Variants in FAM117B observed in about 807,000 individuals in gnomAD.
FAM117B encodes the protein family with sequence similarity 117 member B.
Under a neutral mutation model 52.8 loss-of-function variants are expected in FAM117B, and 22 were observed. That is an observed-to-expected ratio of 0.42 (90% CI 0.30 to 0.59). The LOEUF is 0.59. FAM117B is among the 20% of genes least tolerant of loss of function. The pLI, the probability that FAM117B is intolerant of heterozygous loss-of-function variation, is 0.22. For missense variants in FAM117B, 678 were observed against 802.6 expected, an observed-to-expected ratio of 0.84 and a Z score of 1.88; for synonymous variants, 309 against 324.1, an observed-to-expected ratio of 0.95 and a Z score of 0.50.
At chr2:202,673,568 C>G (rs540369705) in intron 1 of FAM117B, among the ~76,000 whole-genome samples, 121 of 149,922 alleles carry the variant, frequency 8.1e-4, no homozygotes, top group African/African-American at 2.8e-3. Context: ...CTGCCTCAGC[C>G]TCCCAAGTAG....
chr2:202,642,925 T>C (rs1175390680), intron 1 of FAM117B, among the ~76,000 whole-genome samples: 1 of 152,090 alleles, frequency 6.6e-6, no homozygotes, highest in Non-Finnish European at 1.5e-5. Context: ...AATGGTAGAA[T>C]AGTGTTGAGA....
At chr2:202,765,234 A>G (rs1440363658) in intron 7 of FAM117B, among the ~76,000 whole-genome samples, 1 of 152,172 alleles carries the variant, frequency 6.6e-6, no homozygotes, top group Admixed American at 6.5e-5. Flanking sequence ...GGCTTCTTGC[A>G]TTCTAAGATA....
intron 4 of FAM117B, among the ~76,000 whole-genome samples, chr2:202,726,661 G>T (rs946872095): frequency 6.6e-6 from 1 of 152,084 alleles, no homozygotes; most frequent in African/African-American, 2.4e-5. Flanking sequence ...AGAGAATTAA[G>T]CATTGGGTAT....
chr2:202,635,200 G>C lies in FAM117B; in HGVS notation c.13G>C (p.Val5Leu). 9 of 1,292,916 alleles carry C rather than the reference G, an allele frequency of 7.0e-6. No homozygotes were observed. Among genetic ancestry groups the C allele is most frequent in the Non-Finnish European group, 8.8e-6 (9 of 1,018,308 alleles). 80.1% of individuals were successfully genotyped at this position (1,292,916 alleles called of 1,614,324 possible). MSQRVRRNGSPTPAG... is the reference protein window; with the variant it reads MSQRLRRNGSPTPAG... Reference sequence around the variant, plus strand: ...GAGGGGGGGGACCATGTCCCAGCGGGTGAGGCGCAATGGGTCCCCCACGCC... The same window carrying C: ...GAGGGGGGGGACCATGTCCCAGCGGCTGAGGCGCAATGGGTCCCCCACGCC... The change falls in exon 1 of 8, where the codon GTG (valine) becomes CTG (leucine). Residue 5 changes from valine (V) to leucine (L), a missense_variant. Coordinates refer to ENST00000392238, the MANE Select transcript of FAM117B (RefSeq NM_173511.4).
At chr2:202,755,723 AATTATT>A in intron 5 of FAM117B, 42 bp downstream of exon 5, 2 of 1,551,606 alleles carry the variant, frequency 1.3e-6, no homozygotes, top group South Asian at 1.2e-5. Context: ...GAACTCTTAT[AATTATT>A]AAAAATGCAC....
rs1553526375 is a variant in FAM117B at position 202,766,102 on chromosome 2, A to ACACACACACACACCCACC, written c.*343_*344insACACACACCCACCCACAC. The stretch of plus-strand genomic sequence containing the variant: ...CACACACACACACACACACACACAC[A>ACACACACACACACCCACC]CACACCCCTGATCCTTGCCAACATG... On this transcript the variant is annotated 3_prime_UTR_variant, in exon 8 of 8. Coordinates refer to ENST00000392238, the MANE Select transcript of FAM117B (RefSeq NM_173511.4). The ACACACACACACACCCACC allele has an allele frequency of 1.0e-5, 2 of 191,004 alleles. No individual in the cohort carries two copies. The highest frequency in any genetic ancestry group is 2.1e-5 in the Non-Finnish European group (2 of 93,416). The allele number at this position is 191,004 out of a possible 1,614,324, so 11.8% of individuals were successfully genotyped here.
intron 2 of FAM117B, among the ~76,000 whole-genome samples, chr2:202,720,930 T>C: frequency 6.6e-6 from 1 of 152,222 alleles, no homozygotes; most frequent in East Asian, 1.9e-4. Context: ...TTCTTGGAGG[T>C]TGCATGTGCC....
At chr2:202,703,696 T>C (rs547901605) in intron 2 of FAM117B, among the ~76,000 whole-genome samples, 1 of 152,328 alleles carries the variant, frequency 6.6e-6, no homozygotes, top group Admixed American at 6.5e-5. Flanking sequence ...TTTATCAATA[T>C]ACCACATTTT....
intron 4 of FAM117B, among the ~76,000 whole-genome samples, chr2:202,737,361 T>C (rs1001362549): frequency 1.1e-3 from 167 of 152,328 alleles, no homozygotes; most frequent in African/African-American, 3.8e-3. Context: ...AACATATATG[T>C]AGATTATACC....
At chr2:202,744,999 A>T (rs1010216057) in intron 4 of FAM117B, among the ~76,000 whole-genome samples, 1 of 116,420 alleles carries the variant, frequency 8.6e-6, no homozygotes, top group African/African-American at 3.2e-5. Context: ...AAAAAAAAAA[A>T]GGCTGGGCAT....
At chr2:202,698,189 C>T (rs1690742573) in intron 2 of FAM117B, among the ~76,000 whole-genome samples, 1 of 152,072 alleles carries the variant, frequency 6.6e-6, no homozygotes, top group Admixed American at 6.6e-5. Context: ...ATTAAAGAAC[C>T]GAGTAAACAC....
At chr2:202,742,979 C>G (rs755902841) in intron 4 of FAM117B, among the ~76,000 whole-genome samples, 2 of 152,158 alleles carry the variant, frequency 1.3e-5, no homozygotes, top group Non-Finnish European at 2.9e-5. Context: ...CCTACTCAGT[C>G]CACCACTGCT....
chr2:202,674,027 C>T (rs887011103), intron 1 of FAM117B, among the ~76,000 whole-genome samples: 2 of 150,194 alleles, frequency 1.3e-5, no homozygotes, highest in African/African-American at 2.5e-5. Context: ...CTCCCTGCAC[C>T]CCCCCCACCT....
intron 1 of FAM117B, among the ~76,000 whole-genome samples, chr2:202,655,707 TGAGAGAGAGAGAGAGAGAGAGAGAGA>T (rs60423652): frequency 1.0e-5 from 1 of 98,838 alleles, no homozygotes; most frequent in African/African-American, 3.5e-5. Flanking sequence ...GGGAAGAGAG[TGAGAGAGAGAGAGAGAGAGAGAGAGA>T]GAGAGAGAGA....
intron 1 of FAM117B, among the ~76,000 whole-genome samples, chr2:202,662,317 T>C (rs887695952): frequency 2.0e-5 from 3 of 152,142 alleles, no homozygotes; most frequent in African/African-American, 4.8e-5. Context: ...ATCTCACTCA[T>C]GTGGAATCTA....
rs757349751 is a variant in FAM117B at position 202,757,356 on chromosome 2, A to T, written c.1248A>T (p.Thr416=). Residue 416 remains threonine, a synonymous_variant, in exon 6 of 8, where the codon ACA becomes ACT. Coordinates refer to ENST00000392238, the MANE Select transcript of FAM117B (RefSeq NM_173511.4). The part of the protein sequence containing the change: ...NSSRSQSVSP[T]SFLTISNEGS... ...GCCGTTCCCAGTCCGTGTCCCCAAC[A>T]TCGTTCCTCACCATTTCCAATGAAG... 1.8e-5 allele frequency: 29 copies of T among 1,614,060 alleles called. 2 individuals are homozygous for T. In the South Asian group the frequency reaches 3.2e-4, roughly 18 times the overall value.
intron 1 of FAM117B, among the ~76,000 whole-genome samples, chr2:202,679,861 G>A (rs1690436277): frequency 6.6e-6 from 1 of 152,030 alleles, no homozygotes; most frequent in African/African-American, 2.4e-5. Flanking sequence ...AAACTATAAT[G>A]AGAAAACTAA....
chr2:202,729,076 G>A (rs1388828106), intron 4 of FAM117B, among the ~76,000 whole-genome samples: 4 of 152,168 alleles, frequency 2.6e-5, no homozygotes, highest in African/African-American at 9.7e-5. Flanking sequence ...GGTGGCTCAC[G>A]CCTGTAATCC....
intron 4 of FAM117B, 126 bp from the exon 5 acceptor site, chr2:202,755,412 A>T (rs1691786178): frequency 8.5e-7 from 1 of 1,171,972 alleles, no homozygotes; most frequent in African/African-American, 1.5e-5. Flanking sequence ...TTGGTCACTC[A>T]CACTTTTTGT....
Sources: gnomAD v4.1 joint callset for allele counts (sites outside exome capture counted in the v4.1 genomes callset) on GRCh38, gnomAD v4.1.1 for gene constraint, MANE v1.5 for transcripts, NCBI Gene and HGNC (gene_info 2026-07-23, HGNC 2026-07-21) for gene names.